MICAL3: variants seen among roughly 807,000 people sequenced by gnomAD.
The protein encoded by MICAL3 is [F-actin]-monooxygenase MICAL3.
In MICAL3, 62 loss-of-function variants were observed where a neutral mutation model predicts 207.4. The ratio of observed to expected loss-of-function variants is 0.30; its 90% CI spans 0.24 to 0.37. The LOEUF is 0.37. Among genes scored for constraint, MICAL3 ranks in the 10% least tolerant of loss-of-function variants. The pLI is 1.00. For missense variants in MICAL3, 2,368 were observed against 2,635.6 expected (o/e 0.90, Z 2.22); for synonymous variants, 1,077 against 1,069.3 (o/e 1.01, Z -0.14).
chr22:17,882,036 T>A (rs1012270334), intron 16 of MICAL3, among the ~76,000 whole-genome samples: 2 of 152,074 alleles, frequency 1.3e-5, no homozygotes, highest in African/African-American at 4.8e-5. Context: ...AGGTGACCCA[T>A]GGGGCAGCAT....
chr22:17,840,710 T>A (rs1387943900), intron 20 of MICAL3: 1 of 152,098 alleles, frequency 6.6e-6, no homozygotes, highest in Non-Finnish European at 1.5e-5. Context: ...CACTGCAGGG[T>A]CAGTGGAGAG....
chr22:17,795,375 A>G (rs2061864328), intron 29 of MICAL3, among the ~76,000 whole-genome samples: 1 of 152,226 alleles, frequency 6.6e-6, no homozygotes, highest in Admixed American at 6.5e-5. Context: ...GACTGGTGTC[A>G]CAGGTGAATA....
Position 17,896,828 on chromosome 22 carries a change from T to C in MICAL3, c.1102A>G (p.Met368Val), listed in dbSNP as rs1448479663. 1 of 1,614,146 alleles carries C rather than the reference T, an allele frequency of 6.2e-7. No individual in the cohort carries two copies. The highest frequency in any genetic ancestry group is 1.1e-5 in the South Asian group (1 of 91,082). Residue 368 changes from methionine (M) to valine (V), a missense_variant, in exon 8 of 32, where the codon ATG (methionine) becomes GTG (valine). Transcript: ENST00000441493. The part of the protein sequence containing the change: ...INHYGQPDVA[M>V]FDFTCMYASE... ...GCATACATACAAGTGAAGTCAAACATGGCCACATCGGGCTGCCCATAGTGA... is the reference window on the plus strand; with the variant it reads ...GCATACATACAAGTGAAGTCAAACACGGCCACATCGGGCTGCCCATAGTGA...
intron 1 of MICAL3, among the ~76,000 whole-genome samples, chr22:17,934,616 G>C (rs1404947219): frequency 6.6e-6 from 1 of 152,150 alleles, no homozygotes; most frequent in Non-Finnish European, 1.5e-5. Context: ...AGGGCAATCA[G>C]GCAAGAGAAA....
At chr22:17,800,974 C>T (rs1289897954) in intron 29 of MICAL3, among the ~76,000 whole-genome samples, 1 of 152,112 alleles carries the variant, frequency 6.6e-6, no homozygotes, top group Non-Finnish European at 1.5e-5. Flanking sequence ...TGGGGAACGT[C>T]CCCTTCAAGC....
In MICAL3 at chr22:17,901,875, T is replaced by C. The variant is rs761918577; in HGVS notation, c.691+3A>G. On this transcript the variant is annotated splice_donor_region_variant and intron_variant, in intron 5 of 31. Coordinates refer to ENST00000441493, the MANE Select transcript of MICAL3 (RefSeq NM_015241.3). ...AGCCAGGCAGAGGAGCACAGACCAA[T>C]ACCTTCCAAGGTGTTCCTCCGACCA... The C allele has an allele frequency of 6.2e-7, 1 of 1,609,310 alleles. No individual in the cohort carries two copies.
chr22:17,985,751 T>C (rs1333542452), intron 1 of MICAL3, among the ~76,000 whole-genome samples: 1 of 152,046 alleles, frequency 6.6e-6, no homozygotes, highest in Non-Finnish European at 1.5e-5. Context: ...GGCTTTCTCA[T>C]CTAGACTGGG....
chr22:17,979,588 G>C (rs1935813164), intron 1 of MICAL3, among the ~76,000 whole-genome samples: 1 of 152,076 alleles, frequency 6.6e-6, no homozygotes, highest in Admixed American at 6.6e-5. Context: ...GAGATGTTGA[G>C]TCTTTTTACC....
At chr22:17,981,429 C>T (rs1483230607) in intron 1 of MICAL3, among the ~76,000 whole-genome samples, 1 of 151,982 alleles carries the variant, frequency 6.6e-6, no homozygotes, top group Admixed American at 6.5e-5. Flanking sequence ...GTTTCAAATA[C>T]CAGAAGAATA....
chr22:17,809,220 T>C (rs1169965999), intron 28 of MICAL3, among the ~76,000 whole-genome samples: 3 of 152,196 alleles, frequency 2.0e-5, no homozygotes, highest in East Asian at 1.9e-4. Context: ...AGGAAGTGGA[T>C]GTAATCTGTG....
intron 22 of MICAL3, chr22:17,826,458 G>A (rs1195459483): frequency 3.0e-6 from 3 of 985,790 alleles, no homozygotes; most frequent in Non-Finnish European, 2.4e-6. Flanking sequence ...GACTACCTCC[G>A]GAGACCGTCT....
At chr22:18,000,246 GGAA>G (rs748964041) in intron 1 of MICAL3, among the ~76,000 whole-genome samples, 12,058 of 148,462 alleles carry the variant, frequency 0.081, 546 homozygotes, top group Middle Eastern at 0.17. Context: ...AAGCTTAGGG[GGAA>G]AAAAAAAAAA....
At chr22:17,877,531 G>GGTTAT (rs1740323780) in intron 16 of MICAL3, among the ~76,000 whole-genome samples, 1 of 130,514 alleles carries the variant, frequency 7.7e-6, no homozygotes, top group Non-Finnish European at 1.7e-5. Flanking sequence ...AGGGAGGTGA[G>GGTTAT]GGAGGTTATG....
intron 1 of MICAL3, among the ~76,000 whole-genome samples, chr22:17,974,514 T>G (rs943247629): frequency 1.3e-5 from 2 of 151,800 alleles, no homozygotes; most frequent in East Asian, 3.9e-4. Flanking sequence ...GAGGTGGAGG[T>G]TGGCGTTCCA....
chr22:17,889,300 G>C (rs1395151058), intron 12 of MICAL3, 70 bp from the exon 13 acceptor site: 1 of 1,150,756 alleles, frequency 8.7e-7, no homozygotes, highest in South Asian at 1.5e-5. Context: ...CAGTATCCTG[G>C]AGTCATCGTC....
chr22:17,980,789 GCTGC>G, intron 1 of MICAL3: 1 of 475,042 alleles, frequency 2.1e-6, no homozygotes, highest in Non-Finnish European at 4.5e-6. Context: ...CAGCAAACCA[GCTGC>G]CCGTCTGCTC....
chr22:17,879,245 A>C lies in MICAL3; in HGVS notation c.2241+6633T>G, dbSNP rs567503800. ...ACAAGAGCGTGCAAAAAGCAAGGGG[A>C]GGGGGCCGTCCCCCATATCCCTTCC... On this transcript the variant is annotated intron_variant, in intron 16 of 31. Transcript: ENST00000441493. The C allele has an allele frequency of 1.4e-4, 133 of 964,102 alleles. 1 individual carries two copies. In the East Asian group the frequency reaches 2.7e-3, roughly 19 times the overall value. The allele number at this position is 964,102 out of a possible 1,614,324, so 59.7% of individuals were successfully genotyped here.
intron 9 of MICAL3, 85 bp downstream of exon 9, chr22:17,896,161 G>T: frequency 1.5e-6 from 1 of 676,810 alleles, no homozygotes; most frequent in Non-Finnish European, 2.6e-6. Flanking sequence ...AAAGAAGAAG[G>T]AAGAACTTGC....
At chr22:17,844,576 A>G (rs1924436596) in intron 19 of MICAL3, among the ~76,000 whole-genome samples, 1 of 152,202 alleles carries the variant, frequency 6.6e-6, no homozygotes, top group Non-Finnish European at 1.5e-5. Context: ...GAGAATCTTT[A>G]CTAACAAAGC....
Sources: gnomAD v4.1 joint callset for allele counts (sites outside exome capture counted in the v4.1 genomes callset) on GRCh38, gnomAD v4.1.1 for gene constraint, MANE v1.5 for transcripts, NCBI Gene and HGNC (gene_info 2026-07-23, HGNC 2026-07-21) for gene names.